Variants in CD6 observed in about 807,000 individuals in gnomAD.
CD6 encodes T-cell differentiation antigen CD6.
CD6 carries 53 observed loss-of-function variants against 75.3 expected under a neutral mutation model. The observed-to-expected ratio is 0.70, with a 90% CI of 0.56 to 0.88. CD6 has a LOEUF of 0.88. Ranked by LOEUF, CD6 falls within the 40% of genes least tolerant of loss-of-function variation. The probability of loss-of-function intolerance (pLI) is 0.00; values close to 1 mark genes in which losing one functional copy is unlikely to be tolerated. For missense variants in CD6, 770 were observed against 897.1 expected (o/e 0.86, Z 1.81); for synonymous variants, 359 against 381.5 (o/e 0.94, Z 0.69).
At chr11:61,014,077 G>T in intron 8 of CD6, 63 bp downstream of exon 8, 1 of 1,263,426 alleles carries the variant, frequency 7.9e-7, no homozygotes, top group Non-Finnish European at 1.1e-6. Flanking sequence ...GAGCTTTCTG[G>T]AAGGTCAGCA....
intron 1 of CD6, among the ~76,000 whole-genome samples, chr11:60,995,627 T>C (rs181786000): frequency 2.4e-4 from 37 of 152,284 alleles, no homozygotes; most frequent in Admixed American, 2.0e-3. Flanking sequence ...AATTGGCCGA[T>C]GCATCCTCAG....
At chr11:61,010,021 C>T in intron 5 of CD6, 147 bp downstream of exon 5, 1 of 730,298 alleles carries the variant, frequency 1.4e-6, no homozygotes, top group East Asian at 2.9e-5. Context: ...CTTACGGTGC[C>T]CAGGCAGACA....
intron 6 of CD6, among the ~76,000 whole-genome samples, chr11:61,012,794 G>A (rs1266338923): frequency 1.3e-5 from 2 of 152,152 alleles, no homozygotes; most frequent in African/African-American, 2.4e-5. Context: ...CCCCACTCCC[G>A]TCCTCATGGA....
chr11:61,009,792 G>C lies in CD6; in HGVS notation c.1002G>C (p.Glu334Asp). ...GRMYYSCNGEELTLSNCSWRF... is the reference protein window; with the variant it reads ...GRMYYSCNGEDLTLSNCSWRF... Reference sequence around the variant, plus strand: ...TGTACTACTCATGCAATGGGGAGGAGCTCACCCTCTCCAACTGCTCCTGGC... The same window carrying C: ...TGTACTACTCATGCAATGGGGAGGACCTCACCCTCTCCAACTGCTCCTGGC... The change falls in exon 5 of 13, where the codon GAG (glutamate) becomes GAC (aspartate). Residue 334 changes from glutamate (E) to aspartate (D), a missense_variant. Physicochemically the swap from Glu to Asp is conservative, Grantham distance 45 (BLOSUM62 2). Transcript: ENST00000313421. 6.2e-7 allele frequency: 1 copy of C among 1,611,068 alleles called. No homozygotes were observed. Among genetic ancestry groups the C allele is most frequent in the Non-Finnish European group, 8.5e-7 (1 of 1,178,420 alleles).
intron 1 of CD6, among the ~76,000 whole-genome samples, chr11:61,001,079 T>C (rs916925555): frequency 1.8e-4 from 28 of 152,172 alleles, no homozygotes; most frequent in African/African-American, 6.0e-4. Context: ...CTTCAGGTGG[T>C]AAATGAACTT....
intron 1 of CD6, among the ~76,000 whole-genome samples, chr11:60,991,745 C>A (rs929020851): frequency 1.6e-4 from 25 of 151,704 alleles, no homozygotes; most frequent in African/African-American, 6.1e-4. Flanking sequence ...TCATAGCTTA[C>A]TGCAACCTCG....
At chr11:60,991,143 T>C (rs947681130) in intron 1 of CD6, among the ~76,000 whole-genome samples, 3 of 96,470 alleles carry the variant, frequency 3.1e-5, no homozygotes, top group African/African-American at 8.8e-5. Context: ...TCTTTTCTTT[T>C]TCTTTCTTTT....
chr11:60,991,698 A>T (rs2135076247), intron 1 of CD6, among the ~76,000 whole-genome samples: 1 of 150,898 alleles, frequency 6.6e-6, no homozygotes, highest in East Asian at 2.0e-4. Context: ...TAGAGGTGGA[A>T]TCTCACCCTG....
chr11:61,010,708 T>A (rs1859098881), intron 5 of CD6, among the ~76,000 whole-genome samples: 1 of 152,216 alleles, frequency 6.6e-6, no homozygotes, highest in Non-Finnish European at 1.5e-5. Flanking sequence ...CCAACGGGAA[T>A]GCCGATTATG....
intron 1 of CD6, among the ~76,000 whole-genome samples, chr11:60,978,466 G>T (rs924819403): frequency 8.5e-5 from 13 of 152,338 alleles, no homozygotes; most frequent in Admixed American, 5.9e-4. Flanking sequence ...GGTGAGGTGG[G>T]TGTGGACTTT....
At chr11:60,986,036 A>G (rs1857800767) in intron 1 of CD6, among the ~76,000 whole-genome samples, 1 of 152,172 alleles carries the variant, frequency 6.6e-6, no homozygotes, top group African/African-American at 2.4e-5. Flanking sequence ...CCATGGAGAA[A>G]CTGAGGCCTT....
intron 1 of CD6, 79 bp downstream of exon 1, chr11:60,971,993 T>G (rs1271677836): frequency 4.2e-6 from 6 of 1,435,586 alleles, no homozygotes; most frequent in Non-Finnish European, 5.8e-6. Flanking sequence ...TTCTGGTTGT[T>G]TCCTTGTGGT....
At chr11:60,982,349 C>A (rs931132435) in intron 1 of CD6, among the ~76,000 whole-genome samples, 2 of 152,194 alleles carry the variant, frequency 1.3e-5, no homozygotes, top group East Asian at 3.8e-4. Context: ...TACAGAAGGA[C>A]AGACTGAAGC....
chr11:61,009,416 G>C (rs988625646), intron 4 of CD6, among the ~76,000 whole-genome samples, 156 bp from the exon 5 acceptor site: 8 of 152,224 alleles, frequency 5.3e-5, no homozygotes, highest in African/African-American at 1.9e-4. Flanking sequence ...AGAGCAAATG[G>C]GGCAGGTGAC....
rs777246063 is a variant in CD6, at chr11:60,971,725, C to T, written c.-141C>T. The T allele has an allele frequency of 2.7e-6, 2 of 747,692 alleles. No individual in the cohort carries two copies. The highest frequency in any genetic ancestry group is 4.4e-5 in the Admixed American group (2 of 45,802). 46.3% of individuals were successfully genotyped at this position (747,692 alleles called of 1,614,324 possible). A position where few individuals can be genotyped will look rare whatever the true frequency, so the allele number is the denominator to read the frequency against. ...CGCATGCGTGTCGGAGAGGAGAGAG[C>T]AGAGAGAGACACAGGAACAAGAACA... On this transcript the variant is annotated 5_prime_UTR_variant, in exon 1 of 13. Coordinates refer to ENST00000313421, the MANE Select transcript of CD6 (RefSeq NM_006725.5).
intron 1 of CD6, among the ~76,000 whole-genome samples, chr11:60,972,415 G>A (rs1857221487): frequency 6.6e-6 from 1 of 152,186 alleles, no homozygotes; most frequent in Admixed American, 6.5e-5. Context: ...AGGCGCTGAT[G>A]GCCTCAGCAC....
intron 4 of CD6, 69 bp from the exon 5 acceptor site, chr11:61,009,503 G>A (rs921658506): frequency 1.3e-4 from 184 of 1,418,118 alleles, no homozygotes; most frequent in Non-Finnish European, 1.6e-4. Context: ...GCACTGGTGG[G>A]TCTGGGCTGG....
Position 60,996,380 on chromosome 11 carries a change from G to T in CD6, c.50-10194G>T, listed in dbSNP as rs563918588. On this transcript the variant is annotated intron_variant, in intron 1 of 12. Coordinates refer to ENST00000313421, the MANE Select transcript of CD6 (RefSeq NM_006725.5). ...TAGCTGCTCCCATCAGTGTGGGTTG[G>T]GAGTAGAAAACTAGGAGTCCATCTG... Among the ~76,000 whole-genome samples, 6 of 152,254 alleles carry T rather than the reference G, an allele frequency of 3.9e-5. No homozygotes were observed. The South Asian group carries it at 1.2e-3, about 32-fold the overall frequency.
chr11:61,011,022 A>T, intron 5 of CD6, 48 bp from the exon 6 acceptor site: 1 of 1,537,964 alleles, frequency 6.5e-7, no homozygotes, highest in Non-Finnish European at 9.0e-7. Context: ...GGCACACAGT[A>T]GGTGCTCAGT....
Sources: allele counts gnomAD v4.1 joint callset (sites outside exome capture counted in the v4.1 genomes callset), GRCh38; gene constraint gnomAD v4.1.1; transcripts MANE v1.5; gene names NCBI Gene and HGNC (gene_info 2026-07-23, HGNC 2026-07-21).